TBC1D5: variants seen among roughly 807,000 people sequenced by gnomAD.
TBC1D5 encodes the protein TBC1 domain family, member 5.
A neutral mutation model predicts 100.3 loss-of-function variants in TBC1D5; 75 were observed. The ratio of observed to expected loss-of-function variants is 0.75; its 90% CI spans 0.62 to 0.91. The LOEUF (loss-of-function observed/expected upper bound fraction) is 0.91. TBC1D5 is among the 40% of genes least tolerant of loss of function. The pLI is 0.00. For synonymous variants in TBC1D5, 323 were observed against 325.6 expected, an observed-to-expected ratio of 0.99 and a Z score of 0.09; for missense variants, 910 against 942.4, an observed-to-expected ratio of 0.97 and a Z score of 0.45.
chr3:17,678,631 A>C (rs2068974088), intron 1 of TBC1D5, among the ~76,000 whole-genome samples: 1 of 148,784 alleles, frequency 6.7e-6, no homozygotes, highest in Non-Finnish European at 1.5e-5. Context: ...CTGGTGCTGA[A>C]TCTCCAACTA....
chr3:17,420,631 CATT>C (rs1305019483), intron 4 of TBC1D5, among the ~76,000 whole-genome samples: 3 of 152,052 alleles, frequency 2.0e-5, no homozygotes, highest in African/African-American at 4.8e-5. Context: ...TAATTCTATG[CATT>C]ATTTTCTGAT....
chr3:17,346,146 T>C (rs17043425), intron 13 of TBC1D5, among the ~76,000 whole-genome samples: 13,678 of 152,188 alleles, frequency 0.09, 1,406 homozygotes, highest in African/African-American at 0.25. Flanking sequence ...AGATCATTAA[T>C]TATATGGTTT....
chr3:17,528,194 A>C (rs1467750749), intron 2 of TBC1D5, among the ~76,000 whole-genome samples: 1 of 152,086 alleles, frequency 6.6e-6, no homozygotes, highest in Non-Finnish European at 1.5e-5. Context: ...CAAAGTGCTG[A>C]GACTACAGGC....
At chr3:17,482,024 G>A (rs2095508135) in intron 3 of TBC1D5, among the ~76,000 whole-genome samples, 1 of 152,042 alleles carries the variant, frequency 6.6e-6, no homozygotes, top group Non-Finnish European at 1.5e-5. Context: ...TACAGGCATG[G>A]GCCACCGCGC....
At chr3:17,583,994 G>A (rs1248495186) in intron 2 of TBC1D5, among the ~76,000 whole-genome samples, 4 of 152,236 alleles carry the variant, frequency 2.6e-5, no homozygotes, top group Admixed American at 2.0e-4. Context: ...ACATGGACTA[G>A]CATTCAGCCA....
At chr3:17,680,152 C>T (rs1455413545) in intron 1 of TBC1D5, among the ~76,000 whole-genome samples, 2 of 151,052 alleles carry the variant, frequency 1.3e-5, no homozygotes, top group Non-Finnish European at 2.9e-5. Flanking sequence ...AATGTTCTTT[C>T]TTTAGATGCA....
intron 3 of TBC1D5, among the ~76,000 whole-genome samples, chr3:17,505,611 T>C (rs1313443765): frequency 1.3e-5 from 2 of 152,198 alleles, no homozygotes; most frequent in East Asian, 3.9e-4. Context: ...TCCAACAATA[T>C]TATTTAATTA....
chr3:17,657,136 C>A (rs987854840), intron 1 of TBC1D5, among the ~76,000 whole-genome samples: 4 of 152,012 alleles, frequency 2.6e-5, no homozygotes, highest in Non-Finnish European at 5.9e-5. Flanking sequence ...CCAAAAAAAA[C>A]AAAACAAACA....
intron 3 of TBC1D5, among the ~76,000 whole-genome samples, chr3:17,462,150 G>A (rs1262138568): frequency 6.6e-6 from 1 of 151,800 alleles, no homozygotes; most frequent in Non-Finnish European, 1.5e-5. Context: ...TCAGAAAAAT[G>A]TTACACTTAT....
intron 15 of TBC1D5, among the ~76,000 whole-genome samples, chr3:17,262,064 T>C (rs558479569): frequency 6.3e-4 from 96 of 152,312 alleles, no homozygotes; most frequent in Admixed American, 1.7e-3. Flanking sequence ...ATTGGAACAA[T>C]TGGCAATTAC....
intron 2 of TBC1D5, among the ~76,000 whole-genome samples, chr3:17,550,240 T>A (rs1422467672): frequency 6.6e-6 from 1 of 152,110 alleles, no homozygotes. Flanking sequence ...AAGTATTTGT[T>A]AGGAAAATAT....
chr3:17,694,952 TAAAG>T, intron 1 of TBC1D5, among the ~76,000 whole-genome samples: 1 of 152,242 alleles, frequency 6.6e-6, no homozygotes, highest in South Asian at 2.1e-4. Flanking sequence ...TCAACATTCT[TAAAG>T]AAAGAATTTT....
intron 13 of TBC1D5, among the ~76,000 whole-genome samples, chr3:17,366,721 C>T (rs1181876341): frequency 6.6e-6 from 1 of 151,948 alleles, no homozygotes; most frequent in Non-Finnish European, 1.5e-5. Context: ...CTGAGAGTTA[C>T]TTTTTTACCA....
intron 13 of TBC1D5, among the ~76,000 whole-genome samples, chr3:17,338,869 T>C (rs949290813): frequency 6.6e-6 from 1 of 152,180 alleles, no homozygotes; most frequent in African/African-American, 2.4e-5. Context: ...TAAATTAGTA[T>C]ACAATGAATT....
In TBC1D5 at chr3:17,689,367, G is replaced by A. The variant is rs149886477; in HGVS notation, c.-101+49976C>T. ...TCAGTGGACAACATGGCGAAACCCC[G>A]TCTATTCTAAAAATACAAAAAATTA... is the stretch of plus-strand genomic sequence containing the variant. On this transcript the variant is annotated intron_variant, in intron 1 of 21. Coordinates refer to ENST00000253692, the Ensembl canonical transcript of TBC1D5. Among the ~76,000 whole-genome samples, 23 of 151,924 alleles carry A rather than the reference G, an allele frequency of 1.5e-4. No individual in the cohort carries two copies. In the South Asian group the frequency reaches 2.9e-3, roughly 19 times the overall value.
In TBC1D5 at chr3:17,633,079, A is replaced by G. The variant is rs13081713; in HGVS notation, c.-100-9166T>C. 6.5e-3 allele frequency among the ~76,000 whole-genome samples: 985 copies of G among 152,292 alleles called. 11 individuals carry two copies. The highest frequency in any genetic ancestry group is 0.01 in the Non-Finnish European group (696 of 68,022). On this transcript the variant is annotated intron_variant, in intron 1 of 21. Coordinates refer to ENST00000253692, the Ensembl canonical transcript of TBC1D5. ...CACCATCTGCAATAACAATTCAAAA[A>G]GAAACAAAATAAGAAAAGGTTTAAT...
At chr3:17,710,767 G>A (rs1302257012) in intron 1 of TBC1D5, among the ~76,000 whole-genome samples, 1 of 151,760 alleles carries the variant, frequency 6.6e-6, no homozygotes, top group African/African-American at 2.4e-5. Flanking sequence ...GCGCAATCTC[G>A]GCTCACTGCA....
intron 1 of TBC1D5, among the ~76,000 whole-genome samples, chr3:17,676,287 AAAT>A (rs1385152304): frequency 6.6e-6 from 1 of 152,134 alleles, no homozygotes; most frequent in Non-Finnish European, 1.5e-5. Context: ...TTCATCTAAG[AAAT>A]ATGTCAGCAA....
intron 3 of TBC1D5, among the ~76,000 whole-genome samples, chr3:17,505,752 T>G (rs2095838240): frequency 6.6e-6 from 1 of 152,184 alleles, no homozygotes; most frequent in East Asian, 1.9e-4. Flanking sequence ...ATTTTTGCTT[T>G]TTTGTTTTTA....
Sources: allele counts gnomAD v4.1 joint callset (sites outside exome capture counted in the v4.1 genomes callset), GRCh38; gene constraint gnomAD v4.1.1; transcripts MANE v1.5; gene names NCBI Gene and HGNC (gene_info 2026-07-23, HGNC 2026-07-21).